PAN3: variants seen among roughly 807,000 people sequenced by gnomAD.
PAN3 encodes the protein PAN2-PAN3 deadenylation complex subunit PAN3.
In PAN3, 19 loss-of-function variants were observed where a neutral mutation model predicts 96.2. The ratio of observed to expected loss-of-function variants is 0.20; its 90% CI spans 0.14 to 0.29. The LOEUF is 0.29. PAN3 is among the 10% of genes least tolerant of loss of function. The pLI, the probability that PAN3 is intolerant of heterozygous loss-of-function variation, is 1.00. For missense variants in PAN3, 882 were observed against 1,108.1 expected (o/e 0.80, Z 2.90); for synonymous variants, 433 against 406.6 (o/e 1.06, Z -0.78).
chr13:28,196,203 C>A (rs1276687038), intron 4 of PAN3, among the ~76,000 whole-genome samples: 3 of 151,828 alleles, frequency 2.0e-5, no homozygotes, highest in Non-Finnish European at 4.4e-5. Flanking sequence ...TTTGTTTCAG[C>A]AGTCTTATAC....
At chr13:28,266,927 T>C in intron 10 of PAN3, 51 bp downstream of exon 10, 1 of 1,433,532 alleles carries the variant, frequency 7.0e-7, no homozygotes, top group African/African-American at 1.4e-5. Context: ...GAGGCTAAGA[T>C]TATTCAAACC....
chr13:28,226,671 A>G (rs1394397207), intron 6 of PAN3, among the ~76,000 whole-genome samples: 2 of 152,208 alleles, frequency 1.3e-5, no homozygotes, highest in African/African-American at 4.8e-5. Flanking sequence ...TCTTTGAAGA[A>G]CTTCTAAAAA....
intron 4 of PAN3, among the ~76,000 whole-genome samples, chr13:28,186,911 C>G (rs79347364): frequency 0.029 from 4,403 of 152,206 alleles, 208 homozygotes; most frequent in African/African-American, 0.1. Context: ...AAATAACTTT[C>G]TTGTTTAAAA....
chr13:28,191,231 A>G (rs1166937118), intron 4 of PAN3, among the ~76,000 whole-genome samples: 3 of 152,192 alleles, frequency 2.0e-5, no homozygotes, highest in Non-Finnish European at 4.4e-5. Context: ...TCTTCTCTTT[A>G]ACCTCTTCCT....
At chr13:28,209,132 T>C (rs2138310369) in intron 5 of PAN3, among the ~76,000 whole-genome samples, 1 of 152,350 alleles carries the variant, frequency 6.6e-6, no homozygotes, top group South Asian at 2.1e-4. Flanking sequence ...TTTAAAATTG[T>C]TGTTGGTTTT....
At chr13:28,238,201 CT>C (rs1347954201) in intron 6 of PAN3, among the ~76,000 whole-genome samples, 1 of 152,172 alleles carries the variant, frequency 6.6e-6, no homozygotes. Context: ...GGCTGCAGCA[CT>C]TTTCTTAGCT....
chr13:28,276,603 T>A (rs138074664), intron 14 of PAN3, among the ~76,000 whole-genome samples: 125 of 152,276 alleles, frequency 8.2e-4, no homozygotes, highest in African/African-American at 2.7e-3. Context: ...AAAGATCTGT[T>A]AGAGTGTGAG....
At chr13:28,204,454 A>G (rs1028947415) in intron 5 of PAN3, among the ~76,000 whole-genome samples, 20 of 152,200 alleles carry the variant, frequency 1.3e-4, no homozygotes, top group Middle Eastern at 3.2e-3. Context: ...ATAAATGTCC[A>G]TTGTCCAGTT....
intron 1 of PAN3, among the ~76,000 whole-genome samples, chr13:28,173,805 T>A (rs1437798747): frequency 6.6e-6 from 1 of 152,240 alleles, no homozygotes; most frequent in Non-Finnish European, 1.5e-5. Context: ...AATGCCATCC[T>A]ATTGCTACCT....
intron 1 of PAN3, among the ~76,000 whole-genome samples, chr13:28,165,455 G>T (rs933803005): frequency 6.6e-6 from 1 of 151,714 alleles, no homozygotes; most frequent in Non-Finnish European, 1.5e-5. Context: ...AGACTGTTTA[G>T]TATAGTAGCA....
intron 17 of PAN3, among the ~76,000 whole-genome samples, chr13:28,286,187 C>G (rs1000643757): frequency 6.6e-6 from 1 of 152,146 alleles, no homozygotes; most frequent in Non-Finnish European, 1.5e-5. Flanking sequence ...TCAGCATCCC[C>G]TGAAAAGAAT....
At chr13:28,280,798 T>G (rs1266931214) in intron 16 of PAN3, among the ~76,000 whole-genome samples, 1 of 151,944 alleles carries the variant, frequency 6.6e-6, no homozygotes, top group Non-Finnish European at 1.5e-5. Flanking sequence ...TGAGCTCAAG[T>G]GATCCGCCCG....
chr13:28,141,454 CTTTTTTTCTTTTTT>C (rs912608144), intron 1 of PAN3, among the ~76,000 whole-genome samples: 8 of 123,912 alleles, frequency 6.5e-5, no homozygotes, highest in Non-Finnish European at 1.2e-4. Flanking sequence ...TTTTCTTTTT[CTTTTTTTCTTTTTT>C]TTTTTTTTTT....
chr13:28,138,663 C>T lies in PAN3; in HGVS notation c.6C>T (p.Asn2=), dbSNP rs1005966177. Residue 2 remains asparagine (N), a synonymous_variant, in exon 1 of 19, where the codon AAC becomes AAT. Coordinates refer to ENST00000380958, the MANE Select transcript of PAN3 (RefSeq NM_175854.8). ...GACGAGGCTGCGGCGTTGCCATGAACAGTGGCGGCGGCCTCCCGCCCCCCT... is the reference window on the plus strand; with the variant it reads ...GACGAGGCTGCGGCGTTGCCATGAATAGTGGCGGCGGCCTCCCGCCCCCCT... The part of the protein sequence containing the change: M[N]SGGGLPPPSA... The T allele has an allele frequency of 1.6e-5, 11 of 687,404 alleles. No individual in the cohort carries two copies. The highest frequency in any genetic ancestry group is 2.4e-5 in the Non-Finnish European group (11 of 464,324). The allele number at this position is 687,404 out of a possible 1,614,324, so 42.6% of individuals were successfully genotyped here. A position where few individuals can be genotyped will look rare whatever the true frequency, so the allele number is the denominator to read the frequency against.
At chr13:28,168,834 T>C (rs1873913494) in intron 1 of PAN3, among the ~76,000 whole-genome samples, 2 of 151,962 alleles carry the variant, frequency 1.3e-5, no homozygotes, top group Admixed American at 6.6e-5. Context: ...CTGGCTAACA[T>C]GGTGAAACCC....
At chr13:28,156,181 GAA>G (rs1209119653) in intron 1 of PAN3, among the ~76,000 whole-genome samples, 2 of 149,242 alleles carry the variant, frequency 1.3e-5, no homozygotes, top group Non-Finnish European at 3.0e-5. Context: ...GACTAATACA[GAA>G]AAAAGAAGAT....
intron 4 of PAN3, among the ~76,000 whole-genome samples, chr13:28,178,314 C>T (rs1185798511): frequency 6.6e-6 from 1 of 152,034 alleles, no homozygotes; most frequent in Admixed American, 6.6e-5. Flanking sequence ...AAAAATTCTT[C>T]CCTAATTTAC....
chr13:28,168,533 A>T (rs1364356712), intron 1 of PAN3, among the ~76,000 whole-genome samples: 4 of 152,174 alleles, frequency 2.6e-5, no homozygotes, highest in African/African-American at 4.8e-5. Context: ...AGCCTGGCCA[A>T]CATGGTGAAA....
intron 1 of PAN3, among the ~76,000 whole-genome samples, chr13:28,161,708 C>T (rs945810781): frequency 6.6e-6 from 1 of 152,168 alleles, no homozygotes; most frequent in African/African-American, 2.4e-5. Context: ...AACTTGTTCT[C>T]TTCATGACTG....
Sources: allele counts gnomAD v4.1 joint callset (sites outside exome capture counted in the v4.1 genomes callset), GRCh38; gene constraint gnomAD v4.1.1; transcripts MANE v1.5; gene names NCBI Gene and HGNC (gene_info 2026-07-23, HGNC 2026-07-21).